SEZ6L: variants seen among roughly 807,000 people sequenced by gnomAD.
The protein encoded by SEZ6L is seizure related 6 homolog like, also known as seizure 6-like protein.
In SEZ6L, 37 loss-of-function variants were observed where a neutral mutation model predicts 106.2. The ratio of observed to expected loss-of-function variants is 0.35; its 90% confidence interval spans 0.27 to 0.46. The LOEUF (loss-of-function observed/expected upper bound fraction) is 0.46. SEZ6L is among the 20% of genes least tolerant of loss of function. SEZ6L has a pLI of 1.00. For missense variants in SEZ6L, 1,172 were observed against 1,332.8 expected, an observed-to-expected ratio of 0.88 and a Z score of 1.88; for synonymous variants, 541 against 570.4, an observed-to-expected ratio of 0.95 and a Z score of 0.73.
At chr22:26,323,373 G>A (rs2082211482) in intron 9 of SEZ6L, among the ~76,000 whole-genome samples, 1 of 152,200 alleles carries the variant, frequency 6.6e-6, no homozygotes, top group African/African-American at 2.4e-5. Flanking sequence ...TGGCTCATGC[G>A]TGTAATCCCA....
chr22:26,340,512 C>G lies in SEZ6L; in HGVS notation c.2092C>G (p.Leu698Val). 1 of 1,614,176 alleles carries G rather than the reference C, an allele frequency of 6.2e-7. No individual in the cohort carries two copies. The highest frequency in any genetic ancestry group is 8.5e-7 in the Non-Finnish European group (1 of 1,180,032). The part of the protein sequence containing the change: ...EVMPHILGQY[L>V]GNSGPQKLYS... ...CATGCCCCACATCTTGGGGCAGTAC[C>G]TTGGGAACAGTGGCCCCCAGAAACT... The change falls in exon 10 of 17, where the codon CTT becomes GTT. Residue 698 changes from leucine (L) to valine (V), a missense_variant. Physicochemically the swap from Leu to Val is conservative, Grantham distance 32. Around this residue, in one of 4 missense-constraint regions of SEZ6L, gnomAD observed 534 missense variants for 691.0 expected, o/e 0.77. Transcript: ENST00000248933.
intron 14 of SEZ6L, among the ~76,000 whole-genome samples, chr22:26,373,770 C>T (rs5997082): frequency 6.6e-6 from 1 of 152,068 alleles, no homozygotes; most frequent in Non-Finnish European, 1.5e-5. Flanking sequence ...AAGGCATAAC[C>T]CTATTGTAAA....
At chr22:26,221,232 C>T (rs2145724356) in intron 1 of SEZ6L, among the ~76,000 whole-genome samples, 1 of 152,184 alleles carries the variant, frequency 6.6e-6, no homozygotes, top group South Asian at 2.1e-4. Flanking sequence ...TAAATCTTAC[C>T]CCTGTGGTCT....
At chr22:26,316,882 A>AAG (rs1454830914) in intron 9 of SEZ6L, among the ~76,000 whole-genome samples, 879 of 74,758 alleles carry the variant, frequency 0.012, 16 homozygotes, top group Admixed American at 0.068. Context: ...GAAAGAAAGA[A>AAG]AGAAAGAAAG....
intron 1 of SEZ6L, among the ~76,000 whole-genome samples, chr22:26,289,878 T>C (rs2081054005): frequency 6.6e-6 from 1 of 152,208 alleles, no homozygotes; most frequent in African/African-American, 2.4e-5. Flanking sequence ...AGGGCCTTTG[T>C]CCCCGTGATG....
chr22:26,280,226 T>C (rs1311350685), intron 1 of SEZ6L, among the ~76,000 whole-genome samples: 1 of 152,046 alleles, frequency 6.6e-6, no homozygotes, highest in Non-Finnish European at 1.5e-5. Flanking sequence ...TACATAGTTT[T>C]TGAATAAGTA....
At chr22:26,263,175 C>T (rs977336894) in intron 1 of SEZ6L, among the ~76,000 whole-genome samples, 9 of 152,214 alleles carry the variant, frequency 5.9e-5, no homozygotes, top group Non-Finnish European at 1.5e-5. Flanking sequence ...CCACAACCAC[C>T]CAAGAGGGGG....
rs548329980 is a variant in SEZ6L at position 26,302,318 on chromosome 22, A to G, written c.1348+3149A>G. Among the ~76,000 whole-genome samples, 4 of 152,306 alleles carry G rather than the reference A, an allele frequency of 2.6e-5. No individual in the cohort carries two copies. In the South Asian group the frequency reaches 8.3e-4, roughly 32 times the overall value. On this transcript the variant is annotated intron_variant, in intron 5 of 16. Coordinates refer to ENST00000248933, the MANE Select transcript of SEZ6L (RefSeq NM_021115.5). Reference sequence around the variant, plus strand: ...CCCTTGGGTGACTCATATGCACATTACACCTGGAGAAGCACTGGTTTGTAA... The same window carrying G: ...CCCTTGGGTGACTCATATGCACATTGCACCTGGAGAAGCACTGGTTTGTAA...
intron 9 of SEZ6L, among the ~76,000 whole-genome samples, chr22:26,314,742 T>C (rs2145929804): frequency 6.6e-6 from 1 of 152,362 alleles, no homozygotes; most frequent in Middle Eastern, 3.4e-3. Flanking sequence ...GCAGCTACTC[T>C]GGGCCAGATG....
intron 9 of SEZ6L, among the ~76,000 whole-genome samples, chr22:26,330,936 A>G (rs2082461107): frequency 1.3e-5 from 2 of 152,266 alleles, no homozygotes; most frequent in African/African-American, 4.8e-5. Context: ...TGTCCTGTGA[A>G]TGAGGCTCGA....
intron 9 of SEZ6L, among the ~76,000 whole-genome samples, chr22:26,329,453 G>A (rs1052074115): frequency 2.0e-5 from 3 of 152,010 alleles, no homozygotes; most frequent in Admixed American, 6.6e-5. Context: ...GGATGACAGA[G>A]TGAAACACCA....
chr22:26,270,949 G>C (rs1038181698), intron 1 of SEZ6L, among the ~76,000 whole-genome samples: 7 of 152,180 alleles, frequency 4.6e-5, no homozygotes, highest in African/African-American at 1.7e-4. Context: ...GCTGTGAGAA[G>C]CAATCCCCAT....
Position 26,173,286 on chromosome 22 carries a change from C to T in SEZ6L, c.94+3523C>T, listed in dbSNP as rs114032528. Among the ~76,000 whole-genome samples the T allele has an allele frequency of 7.0e-3, 1,063 of 152,288 alleles. 14 individuals carry two copies. Among genetic ancestry groups the T allele is most frequent in the African/African-American group, 0.023 (971 of 41,552 alleles). ...TAGACACCAAGAAAACAAATCTCTG[C>T]GATTGGCATGAAGCAGATGTTGGTG... On this transcript the variant is annotated intron_variant, in intron 1 of 16. Transcript: ENST00000248933.
rs529253183 is a variant in SEZ6L at position 26,293,158 on chromosome 22, C to T, written c.835+12C>T. The T allele has an allele frequency of 2.0e-6, 3 of 1,502,060 alleles. No individual in the cohort carries two copies. Among genetic ancestry groups the T allele is most frequent in the African/African-American group, 1.4e-5 (1 of 71,620 alleles). 93.0% of individuals were successfully genotyped at this position (1,502,060 alleles called of 1,614,324 possible). A position where few individuals can be genotyped will look rare whatever the true frequency, so the allele number is the denominator to read the frequency against. On this transcript the variant is annotated intron_variant, in intron 2 of 16. Transcript: ENST00000248933. ...CGAGCAGGCACCAGGTATGCAGCCC[C>T]CAACTCCTGAAGCCATCCTGAAACA...
chr22:26,172,034 C>T (rs1041210402), intron 1 of SEZ6L, among the ~76,000 whole-genome samples: 6 of 151,998 alleles, frequency 3.9e-5, no homozygotes, highest in Non-Finnish European at 7.4e-5. Context: ...TTCTCTGGGC[C>T]ATTTCGCTGT....
intron 13 of SEZ6L, among the ~76,000 whole-genome samples, chr22:26,371,360 G>A (rs1365115864): frequency 6.6e-6 from 1 of 152,144 alleles, no homozygotes; most frequent in African/African-American, 2.4e-5. Context: ...AGCAATCCAC[G>A]CTCACCAACA....
intron 11 of SEZ6L, 122 bp downstream of exon 11, chr22:26,348,035 A>G: frequency 1.4e-6 from 1 of 698,868 alleles, no homozygotes; most frequent in Non-Finnish European, 2.3e-6. Context: ...TCCACCACCA[A>G]TTCACGAGCA....
intron 9 of SEZ6L, among the ~76,000 whole-genome samples, chr22:26,338,320 C>G (rs1229710683): frequency 1.3e-5 from 2 of 152,232 alleles, no homozygotes; most frequent in African/African-American, 2.4e-5. Context: ...ACACTGACCA[C>G]TGGAAAAATT....
At chr22:26,242,164 C>T (rs550141496) in intron 1 of SEZ6L, among the ~76,000 whole-genome samples, 100 of 152,360 alleles carry the variant, frequency 6.6e-4, no homozygotes, top group Admixed American at 1.7e-3. Flanking sequence ...GCCCCAATTC[C>T]CCATTTCTGT....
Sources: gnomAD v4.1 joint callset for allele counts (sites outside exome capture counted in the v4.1 genomes callset) on GRCh38, gnomAD v4.1.1 for gene constraint, gnomAD v4.1.1 regional missense constraint, MANE v1.5 for transcripts, NCBI Gene and HGNC (gene_info 2026-07-23, HGNC 2026-07-21) for gene names.